Variants in NKAIN2 observed in about 807,000 individuals in gnomAD.
The protein encoded by NKAIN2 is sodium/potassium transporting ATPase interacting 2.
A neutral mutation model predicts 32.6 loss-of-function variants in NKAIN2; 14 were observed. The ratio of observed to expected loss-of-function variants is 0.43; its 90% CI spans 0.28 to 0.67. The LOEUF is 0.67. Ranked by LOEUF, NKAIN2 falls within the 30% of genes least tolerant of loss-of-function variation. NKAIN2 has a pLI of 0.17. For missense variants in NKAIN2, 198 were observed against 258.3 expected (o/e 0.77, Z 1.60); for synonymous variants, 80 against 87.2 (o/e 0.92, Z 0.46).
chr6:124,437,080 T>A (rs929608059), intron 3 of NKAIN2, among the ~76,000 whole-genome samples: 1 of 152,180 alleles, frequency 6.6e-6, no homozygotes, highest in Non-Finnish European at 1.5e-5. Context: ...GTCTTTTTTG[T>A]GACTCTTACC....
In NKAIN2 at chr6:124,751,251, T is replaced by C. The variant is rs542670047; in HGVS notation, c.475-40088T>C. 1.7e-3 allele frequency among the ~76,000 whole-genome samples: 263 copies of C among 152,190 alleles called. 3 individuals are homozygous for C. Among genetic ancestry groups the C allele is most frequent in the African/African-American group, 5.8e-3 (243 of 41,566 alleles). On this transcript the variant is annotated intron_variant, in intron 4 of 6. Transcript: ENST00000368417. ...TTATTACATTTCAGAGAATGGTCTCTGGGTCCTTAAGAAAGACATTCCTTA... is the reference window on the plus strand; with the variant it reads ...TTATTACATTTCAGAGAATGGTCTCCGGGTCCTTAAGAAAGACATTCCTTA...
At chr6:124,265,487 A>T (rs1373942627) in intron 1 of NKAIN2, among the ~76,000 whole-genome samples, 2 of 152,198 alleles carry the variant, frequency 1.3e-5, no homozygotes, top group Non-Finnish European at 2.9e-5. Context: ...TAGAATTTTT[A>T]AAATGGATAC....
At chr6:124,349,775 A>C (rs1798624548) in intron 2 of NKAIN2, among the ~76,000 whole-genome samples, 2 of 152,184 alleles carry the variant, frequency 1.3e-5, no homozygotes, top group South Asian at 4.1e-4. Flanking sequence ...TAACAGCCTT[A>C]ACTAATTTTT....
rs973398230 is a variant in NKAIN2, at chr6:124,137,315, T to C, written c.55-145690T>C. On this transcript the variant is annotated intron_variant, in intron 1 of 6. Transcript: ENST00000368417. Reference sequence around the variant, plus strand: ...TATACTTAACCAAGAAGGTGAAATCTGTCTACTAGGAAAACTACAAAACAC... The same window carrying C: ...TATACTTAACCAAGAAGGTGAAATCCGTCTACTAGGAAAACTACAAAACAC... 6.6e-5 allele frequency among the ~76,000 whole-genome samples: 10 copies of C among 152,046 alleles called. 1 individual carries two copies. The highest frequency in any genetic ancestry group is 2.4e-4 in the African/African-American group (10 of 41,442).
At chr6:124,713,140 A>G (rs1477701519) in intron 4 of NKAIN2, among the ~76,000 whole-genome samples, 2 of 152,182 alleles carry the variant, frequency 1.3e-5, no homozygotes, top group African/African-American at 4.8e-5. Context: ...ATAACTTTAC[A>G]TAACTCATTA....
chr6:124,624,958 A>AATC (rs368162464), intron 3 of NKAIN2, among the ~76,000 whole-genome samples: 53 of 152,278 alleles, frequency 3.5e-4, no homozygotes, highest in African/African-American at 1.2e-3. Context: ...CCAACTTTCT[A>AATC]ATCTTCTAGC....
At chr6:124,068,179 T>C (rs941541829) in intron 1 of NKAIN2, among the ~76,000 whole-genome samples, 12 of 152,154 alleles carry the variant, frequency 7.9e-5, no homozygotes, top group African/African-American at 2.7e-4. Flanking sequence ...TTAATAATAA[T>C]GTACTAGAAA....
chr6:124,508,237 A>G (rs191315425), intron 3 of NKAIN2, among the ~76,000 whole-genome samples: 21 of 152,292 alleles, frequency 1.4e-4, no homozygotes, highest in Middle Eastern at 3.4e-3. Flanking sequence ...AGCCTGAGTG[A>G]CAGAGTAAGA....
intron 1 of NKAIN2, among the ~76,000 whole-genome samples, chr6:124,270,484 G>A (rs980674004): frequency 1.3e-5 from 2 of 152,092 alleles, no homozygotes; most frequent in African/African-American, 4.8e-5. Context: ...GCTTTAATAT[G>A]TTTAATATGA....
chr6:124,010,199 A>G (rs1350836370), intron 1 of NKAIN2, among the ~76,000 whole-genome samples: 2 of 152,082 alleles, frequency 1.3e-5, no homozygotes, highest in East Asian at 1.9e-4. Context: ...GCTGTCTGAG[A>G]ATTGAAGATA....
At chr6:124,224,535 T>A (rs911878524) in intron 1 of NKAIN2, among the ~76,000 whole-genome samples, 4 of 152,110 alleles carry the variant, frequency 2.6e-5, no homozygotes, top group African/African-American at 9.7e-5. Context: ...ATACATCATC[T>A]ACTTGGGAAA....
intron 1 of NKAIN2, among the ~76,000 whole-genome samples, chr6:124,265,771 A>C (rs1345411852): frequency 6.6e-6 from 1 of 152,190 alleles, no homozygotes; most frequent in Non-Finnish European, 1.5e-5. Context: ...GCCCCCTTGG[A>C]ACAAGTTGAA....
At chr6:124,534,560 G>T (rs561705) in intron 3 of NKAIN2, among the ~76,000 whole-genome samples, 150,618 of 152,364 alleles carry the variant, frequency 0.99, 74,460 homozygotes, top group East Asian at 1. Context: ...TGATATGTAT[G>T]TTTGAGTATG....
At chr6:124,023,913 G>A (rs960904516) in intron 1 of NKAIN2, among the ~76,000 whole-genome samples, 2 of 152,046 alleles carry the variant, frequency 1.3e-5, no homozygotes, top group African/African-American at 2.4e-5. Context: ...TGTACTATAT[G>A]GGATAAGGAA....
intron 3 of NKAIN2, among the ~76,000 whole-genome samples, chr6:124,438,561 G>T (rs996369084): frequency 5.9e-5 from 9 of 152,130 alleles, no homozygotes; most frequent in Admixed American, 5.2e-4. Context: ...AAAACTCAGG[G>T]CTTACTACCT....
Position 124,631,945 on chromosome 6 carries a change from A to T in NKAIN2, c.274-26241A>T, listed in dbSNP as rs183647070. ...TGTAAAAGATCCCTTAAGTAAGTGTATGAGATTTGGTATCACACAATTCCT... is the reference window on the plus strand; with the variant it reads ...TGTAAAAGATCCCTTAAGTAAGTGTTTGAGATTTGGTATCACACAATTCCT... On this transcript the variant is annotated intron_variant, in intron 3 of 6. Transcript: ENST00000368417. Among the ~76,000 whole-genome samples, 14 of 152,288 alleles carry T rather than the reference A, an allele frequency of 9.2e-5. No individual in the cohort carries two copies. The South Asian group carries it at 2.3e-3, about 25-fold the overall frequency.
chr6:124,616,716 G>A (rs1360516126), intron 3 of NKAIN2, among the ~76,000 whole-genome samples: 1 of 150,956 alleles, frequency 6.6e-6, no homozygotes, highest in Non-Finnish European at 1.5e-5. Flanking sequence ...TACCCGCCTC[G>A]GCCTCCCAAA....
chr6:124,249,751 T>C (rs1793607137), intron 1 of NKAIN2, among the ~76,000 whole-genome samples: 1 of 152,070 alleles, frequency 6.6e-6, no homozygotes, highest in Admixed American at 6.6e-5. Flanking sequence ...TCTTGTGTCC[T>C]GGAGTTTCTT....
chr6:124,478,410 T>C (rs1419178379), intron 3 of NKAIN2, among the ~76,000 whole-genome samples: 1 of 152,170 alleles, frequency 6.6e-6, no homozygotes, highest in Non-Finnish European at 1.5e-5. Flanking sequence ...TGGCTGATTC[T>C]AGATGTGCAA....
Sources: gnomAD v4.1 joint callset for allele counts (sites outside exome capture counted in the v4.1 genomes callset) on GRCh38, gnomAD v4.1.1 for gene constraint, MANE v1.5 for transcripts, NCBI Gene and HGNC (gene_info 2026-07-23, HGNC 2026-07-21) for gene names.